The following VDR variants were observed in gnomAD, a reference collection of about 807,000 sequenced individuals.
VDR encodes the protein vitamin D receptor.
In VDR, 19 loss-of-function variants were observed where a neutral mutation model predicts 39.7. That is an observed-to-expected ratio of 0.48 (90% confidence interval 0.33 to 0.70). The LOEUF (loss-of-function observed/expected upper bound fraction) is 0.70. VDR is among the 30% of genes least tolerant of loss of function. The pLI is 0.02. For missense variants in VDR, 442 were observed against 570.5 expected (o/e 0.77, Z 2.29); for synonymous variants, 242 against 215.8 (o/e 1.12, Z -1.07).
intron 1 of VDR, among the ~76,000 whole-genome samples, chr12:47,899,488 G>T (rs1946520897): frequency 6.6e-6 from 1 of 152,216 alleles, no homozygotes; most frequent in African/African-American, 2.4e-5. Flanking sequence ...CTTGCCCAAG[G>T]TCACAAGCTA....
chr12:47,901,969 T>C (rs1217967528), intron 1 of VDR, among the ~76,000 whole-genome samples: 1 of 152,270 alleles, frequency 6.6e-6, no homozygotes, highest in Admixed American at 6.5e-5. Flanking sequence ...GAGAATTGGC[T>C]GATAACACCA....
intron 1 of VDR, among the ~76,000 whole-genome samples, chr12:47,892,643 C>G (rs1418926925): frequency 6.6e-6 from 1 of 151,950 alleles, no homozygotes; most frequent in Non-Finnish European, 1.5e-5. Context: ...AAGGCCTGTA[C>G]TGGAAGTGAG....
intron 3 of VDR, among the ~76,000 whole-genome samples, chr12:47,867,601 A>G (rs1401365236): frequency 6.6e-6 from 1 of 152,182 alleles, no homozygotes; most frequent in Non-Finnish European, 1.5e-5. Context: ...TCCCAGCCCC[A>G]GCAGGAGTAG....
At chr12:47,884,883 A>T (rs1946224180) in intron 1 of VDR, among the ~76,000 whole-genome samples, 2 of 152,106 alleles carry the variant, frequency 1.3e-5, no homozygotes, top group Non-Finnish European at 2.9e-5. Flanking sequence ...GGAAAATCCC[A>T]TTCAATAGAT....
At chr12:47,894,561 T>A (rs937906153) in intron 1 of VDR, among the ~76,000 whole-genome samples, 1 of 152,302 alleles carries the variant, frequency 6.6e-6, no homozygotes, top group Middle Eastern at 3.4e-3. Flanking sequence ...CTGCTTCCCT[T>A]CACTCCCCTG....
chr12:47,882,132 G>A (rs1248256872), intron 2 of VDR, among the ~76,000 whole-genome samples: 1 of 152,202 alleles, frequency 6.6e-6, no homozygotes, highest in Non-Finnish European at 1.5e-5. Flanking sequence ...GGGCAGTCCT[G>A]CAATGGGGTG....
chr12:47,900,650 C>T (rs1315433360), intron 1 of VDR, among the ~76,000 whole-genome samples: 10 of 152,216 alleles, frequency 6.6e-5, no homozygotes, highest in Non-Finnish European at 1.5e-4. Context: ...GAAGCTACAA[C>T]TCCAGTACCA....
chr12:47,880,994 T>G (rs1203252964), intron 2 of VDR, among the ~76,000 whole-genome samples: 1 of 150,154 alleles, frequency 6.7e-6, no homozygotes, highest in African/African-American at 2.4e-5. Context: ...GAGAAGCACT[T>G]TCAGAAAGAG....
At chr12:47,858,071 A>AGTGT (rs11574083) in intron 4 of VDR, among the ~76,000 whole-genome samples, 64 of 151,128 alleles carry the variant, frequency 4.2e-4, no homozygotes, top group African/African-American at 1.1e-3. Context: ...TCCTCCATAA[A>AGTGT]GTGTGTGTGT....
chr12:47,844,836 G>A lies in VDR; in HGVS notation c.1194C>T (p.Ser398=). The change falls in exon 10 of 10, where the codon TCC becomes TCT. Residue 398 remains serine (S), a synonymous_variant. Transcript: ENST00000549336. ...ADLRSLNEEH[S]KQYRCLSFQP... is the part of the protein sequence containing the mutation. Reference sequence around the variant, plus strand: ...GGAAGGAGAGGCAGCGGTACTGCTTGGAGTGCTCCTCATTGAGGCTGCGCA... The same window carrying A: ...GGAAGGAGAGGCAGCGGTACTGCTTAGAGTGCTCCTCATTGAGGCTGCGCA... 6.2e-7 allele frequency: 1 copy of A among 1,614,218 alleles called. No homozygotes were observed. Among genetic ancestry groups the A allele is most frequent in the Non-Finnish European group, 8.5e-7 (1 of 1,180,028 alleles).
intron 1 of VDR, among the ~76,000 whole-genome samples, chr12:47,894,258 G>C (rs1592152297): frequency 6.6e-6 from 1 of 152,234 alleles, no homozygotes; most frequent in Admixed American, 6.5e-5. Context: ...CCCCCCAGCT[G>C]CCCTGAGCCA....
intron 1 of VDR, among the ~76,000 whole-genome samples, chr12:47,890,507 T>C (rs965410432): frequency 4.5e-4 from 69 of 152,086 alleles, no homozygotes; most frequent in Non-Finnish European, 2.4e-4. Context: ...ACATTCATCT[T>C]CCACTGGAAT....
At chr12:47,866,828 A>G (rs1263670408) in intron 3 of VDR, among the ~76,000 whole-genome samples, 2 of 151,690 alleles carry the variant, frequency 1.3e-5, no homozygotes, top group South Asian at 2.1e-4. Context: ...CGTCTCTACT[A>G]AAAATACAAA....
intron 1 of VDR, among the ~76,000 whole-genome samples, chr12:47,884,135 A>G (rs1328313931): frequency 1.3e-5 from 2 of 152,038 alleles, no homozygotes; most frequent in African/African-American, 4.8e-5. Context: ...GGTGCTCAGG[A>G]AGGTGAGGTG....
chr12:47,886,107 A>T (rs552018280), intron 1 of VDR, among the ~76,000 whole-genome samples: 2 of 152,370 alleles, frequency 1.3e-5, no homozygotes, highest in South Asian at 4.1e-4. Context: ...TCTAGAAAGA[A>T]ATGGAAAGCT....
At chr12:47,878,869 A>G (rs1946069184) in intron 3 of VDR, 99 bp downstream of exon 3, 3 of 1,587,886 alleles carry the variant, frequency 1.9e-6, no homozygotes, top group African/African-American at 2.7e-5. Flanking sequence ...TGGACATTGT[A>G]AGGAAGGAGA....
In VDR at chr12:47,857,594, C is replaced by T. The variant is rs1392462233; in HGVS notation, c.372G>A (p.Leu124=). Residue 124 remains leucine, a synonymous_variant, in exon 5 of 10, where the codon CTG becomes CTA. Coordinates refer to ENST00000549336, the MANE Select transcript of VDR (RefSeq NM_000376.3). ...EALKDSLRPK[L]SEEQQRIIAI... ...CAATGATGCGCTGCTGCTCCTCAGACAGCTTGGGCCGCAGACTGTCCTTCA... is the reference window on the plus strand; with the variant it reads ...CAATGATGCGCTGCTGCTCCTCAGATAGCTTGGGCCGCAGACTGTCCTTCA... 1 of 1,614,246 alleles carries T rather than the reference C, an allele frequency of 6.2e-7. No homozygotes were observed. Among genetic ancestry groups the T allele is most frequent in the Non-Finnish European group, 8.5e-7 (1 of 1,180,046 alleles).
At chr12:47,869,985 G>C (rs1233373636) in intron 3 of VDR, among the ~76,000 whole-genome samples, 1 of 152,166 alleles carries the variant, frequency 6.6e-6, no homozygotes, top group Non-Finnish European at 1.5e-5. Flanking sequence ...TATGAAGCCC[G>C]AGAACACTGA....
chr12:47,846,353 T>C lies in VDR; in HGVS notation c.1006A>G (p.Ile336Val). 1 of 1,607,122 alleles carries C rather than the reference T, an allele frequency of 6.2e-7. No homozygotes were observed. Among genetic ancestry groups the C allele is most frequent in the Non-Finnish European group, 8.5e-7 (1 of 1,177,544 alleles). Reference protein sequence around the residue: ...HEEEHVLLMAICIVSPDRPGV... With the variant: ...HEEEHVLLMAVCIVSPDRPGV... ...CCCATACCTGGGGAGACGATGCAGA[T>C]GGCCATGAGCAGGACATGCTCCTCC... is the stretch of plus-strand genomic sequence containing the variant. Residue 336 changes from isoleucine to valine, a missense_variant, in exon 9 of 10, where the codon ATC (isoleucine) becomes GTC (valine). By Grantham distance (29) the Ile-to-Val change is conservative (BLOSUM62 3). Around this residue, in one of 5 missense-constraint regions of VDR, gnomAD observed 173 missense variants for 252.0 expected, o/e 0.69. Transcript: ENST00000549336.
Sources: gnomAD v4.1 joint callset for allele counts (sites outside exome capture counted in the v4.1 genomes callset) on GRCh38, gnomAD v4.1.1 for gene constraint, gnomAD v4.1.1 regional missense constraint, MANE v1.5 for transcripts, NCBI Gene and HGNC (gene_info 2026-07-23, HGNC 2026-07-21) for gene names.